ARHGAP6: variants seen among roughly 807,000 people sequenced by gnomAD.
ARHGAP6 encodes rho GTPase-activating protein 6.
A neutral mutation model predicts 55.7 loss-of-function variants in ARHGAP6; 16 were observed. The observed-to-expected ratio is 0.29, with a 90% confidence interval of 0.19 to 0.44. ARHGAP6 has a LOEUF of 0.44. Among genes scored for constraint, ARHGAP6 ranks in the 20% least tolerant of loss-of-function variants. The probability of loss-of-function intolerance (pLI) is 1.00; values close to 1 mark genes in which losing one functional copy is unlikely to be tolerated. For synonymous variants in ARHGAP6, 382 were observed against 360.9 expected (o/e 1.06, Z -0.66); for missense variants, 698 against 808.9 (o/e 0.86, Z 1.66).
At position 11,377,217 on chromosome X, in the gene ARHGAP6, G is replaced by A. The variant is rs190758735; in HGVS notation, c.589-122510C>T. Among the ~76,000 whole-genome samples, 429 of 112,083 alleles carry A rather than the reference G, an allele frequency of 3.8e-3. 1 individual carries two copies. The highest frequency in any genetic ancestry group is 0.014 in the Middle Eastern group (3 of 216). On this transcript the variant is annotated intron_variant, in intron 1 of 12. Coordinates refer to ENST00000337414, the MANE Select transcript of ARHGAP6 (RefSeq NM_013427.3). ...CAACCAGTGCCCAGCATAGTGCTTG[G>A]CACAAAATGGATCCCAAAGTTTTGT...
chrX:11,465,924 TCTC>T (rs745969201), intron 1 of ARHGAP6, among the ~76,000 whole-genome samples: 7 of 103,856 alleles, frequency 6.7e-5, no homozygotes, highest in East Asian at 3.2e-4. Flanking sequence ...GACGAGTATG[TCTC>T]CTCCTCCTCC....
intron 7 of ARHGAP6, 89 bp downstream of exon 7, chrX:11,179,213 T>C: frequency 1.1e-6 from 1 of 915,944 alleles, no homozygotes; most frequent in Non-Finnish European, 1.5e-6. Context: ...CAAAAAGTTA[T>C]CAGGAAACAT....
Position 11,584,245 on chromosome X carries a change from GAAAAGT to G in ARHGAP6, c.588+79990_588+79995del, listed in dbSNP as rs2051699644. 2.7e-5 allele frequency among the ~76,000 whole-genome samples: 3 copies of G among 111,782 alleles called. No individual in the cohort carries two copies. The South Asian group carries it at 1.1e-3, about 41-fold the overall frequency. On this transcript the variant is annotated intron_variant, in intron 1 of 12. Transcript: ENST00000337414. Reference sequence around the variant, plus strand: ...AAGCAAACACAACCAAGAAACAAACGAAAAGTAAATCTGTAAACTACTAAGAAATGT... The same window carrying G: ...AAGCAAACACAACCAAGAAACAAACGAAATCTGTAAACTACTAAGAAATGT...
intron 1 of ARHGAP6, among the ~76,000 whole-genome samples, chrX:11,528,349 G>A (rs1415648547): frequency 8.9e-6 from 1 of 112,277 alleles, no homozygotes. Flanking sequence ...TTTCAGCACA[G>A]AGGGAGATGA....
At chrX:11,655,513 T>C (rs1272508471) in intron 1 of ARHGAP6, among the ~76,000 whole-genome samples, 2 of 112,327 alleles carry the variant, frequency 1.8e-5, no homozygotes, top group East Asian at 5.6e-4. Flanking sequence ...GTATGAGAGT[T>C]CCGATTTTTC....
chrX:11,313,097 C>A (rs896165271), intron 1 of ARHGAP6, among the ~76,000 whole-genome samples: 1 of 112,360 alleles, frequency 8.9e-6, no homozygotes, highest in Non-Finnish European at 1.9e-5. Flanking sequence ...TTATTACTTC[C>A]ATTTTACAAT....
At chrX:11,570,892 A>C (rs1361945336) in intron 1 of ARHGAP6, among the ~76,000 whole-genome samples, 2 of 111,462 alleles carry the variant, frequency 1.8e-5, no homozygotes, top group Non-Finnish European at 3.8e-5. Context: ...GAAATGGTTA[A>C]ATCATGAGGG....
chrX:11,519,232 C>G (rs2050885059), intron 1 of ARHGAP6, among the ~76,000 whole-genome samples: 2 of 104,910 alleles, frequency 1.9e-5, no homozygotes, highest in South Asian at 4.4e-4. Context: ...AATGGTTGAA[C>G]TAGTTTACAG....
At chrX:11,586,937 G>A (rs2051741324) in intron 1 of ARHGAP6, among the ~76,000 whole-genome samples, 1 of 111,937 alleles carries the variant, frequency 8.9e-6, no homozygotes, top group Non-Finnish European at 1.9e-5. Context: ...TGTGGCAATT[G>A]TGAATGGGAG....
intron 1 of ARHGAP6, among the ~76,000 whole-genome samples, chrX:11,275,400 T>C (rs1164917793): frequency 9.0e-6 from 1 of 111,463 alleles, no homozygotes; most frequent in South Asian, 3.8e-4. Flanking sequence ...TCAGTATGGG[T>C]TCCCTGCAGT....
intron 1 of ARHGAP6, among the ~76,000 whole-genome samples, chrX:11,305,310 G>C (rs1388731245): frequency 8.9e-6 from 1 of 111,895 alleles, no homozygotes; most frequent in African/African-American, 3.3e-5. Flanking sequence ...TAAAAGCCCA[G>C]ATTTCACCAC....
chrX:11,351,804 A>G (rs746344250), intron 1 of ARHGAP6: 1 of 115,475 alleles, frequency 8.7e-6, no homozygotes, highest in East Asian at 2.8e-4. Flanking sequence ...GGAGCCTGCC[A>G]GTGAGAACAT....
At chrX:11,595,464 A>T (rs1169043520) in intron 1 of ARHGAP6, among the ~76,000 whole-genome samples, 3 of 111,812 alleles carry the variant, frequency 2.7e-5, no homozygotes, top group African/African-American at 9.8e-5. Context: ...ATCTAGGACC[A>T]TAAAAATCCT....
rs147664915 is a variant in ARHGAP6, at chrX:11,368,501, T to C, written c.589-113794A>G. 2.3e-3 allele frequency among the ~76,000 whole-genome samples: 258 copies of C among 112,081 alleles called. 1 individual carries two copies. The highest frequency in any genetic ancestry group is 9.1e-3 in the Middle Eastern group (2 of 219). ...GCATGGTTTTGGCTATCATCTAAAA[T>C]AGCATTCTTATTCCTCCTCCAATTC... On this transcript the variant is annotated intron_variant, in intron 1 of 12. Coordinates refer to ENST00000337414, the MANE Select transcript of ARHGAP6 (RefSeq NM_013427.3).
chrX:11,609,333 G>T (rs1465144438), intron 1 of ARHGAP6, among the ~76,000 whole-genome samples: 1 of 111,873 alleles, frequency 8.9e-6, no homozygotes, highest in Non-Finnish European at 1.9e-5. Context: ...GCTATGGACA[G>T]GTGGGGCTCA....
chrX:11,624,608 GC>G (rs950934845), intron 1 of ARHGAP6, among the ~76,000 whole-genome samples: 2 of 112,094 alleles, frequency 1.8e-5, no homozygotes, highest in African/African-American at 6.5e-5. Context: ...TCGCTTTGTC[GC>G]CCAGGCCGGA....
At chrX:11,147,722 A>G (rs193168217) in intron 10 of ARHGAP6, among the ~76,000 whole-genome samples, 8 of 112,935 alleles carry the variant, frequency 7.1e-5, no homozygotes, top group Admixed American at 1.9e-4. Flanking sequence ...AAAATCACAA[A>G]TCAAAAAACA....
chrX:11,532,396 C>T lies in ARHGAP6; in HGVS notation c.588+131845G>A, dbSNP rs112545466. 6.3e-3 allele frequency among the ~76,000 whole-genome samples: 704 copies of T among 112,336 alleles called. 7 individuals are homozygous for T. Among genetic ancestry groups the T allele is most frequent in the African/African-American group, 0.022 (667 of 30,907 alleles). On this transcript the variant is annotated intron_variant, in intron 1 of 12. Coordinates refer to ENST00000337414, the MANE Select transcript of ARHGAP6 (RefSeq NM_013427.3). ...TGGACTGTGTTAGAGACTGTGGGTA[C>T]ACTGCTATGTGTTCACCAAAACCTA...
At chrX:11,346,664 A>G (rs1004686481) in intron 1 of ARHGAP6, among the ~76,000 whole-genome samples, 4 of 108,095 alleles carry the variant, frequency 3.7e-5, no homozygotes, top group African/African-American at 1.4e-4. Flanking sequence ...AGCTGAGATC[A>G]TGCCACTGCA....
Sources: allele counts gnomAD v4.1 joint callset (sites outside exome capture counted in the v4.1 genomes callset), GRCh38; gene constraint gnomAD v4.1.1; transcripts MANE v1.5; gene names NCBI Gene and HGNC (gene_info 2026-07-23, HGNC 2026-07-21).